ELF2: variants seen among roughly 807,000 people sequenced by gnomAD.
The protein encoded by ELF2 is ETS-related transcription factor Elf-2.
ELF2 carries 11 observed loss-of-function variants against 54.8 expected under a neutral mutation model. The ratio of observed to expected loss-of-function variants is 0.20; its 90% CI spans 0.13 to 0.33. The LOEUF (loss-of-function observed/expected upper bound fraction) is 0.33. ELF2 is among the 10% of genes least tolerant of loss of function. The pLI is 1.00. For missense variants in ELF2, 513 were observed against 703.0 expected (o/e 0.73, Z 3.06); for synonymous variants, 203 against 245.1 (o/e 0.83, Z 1.61).
In ELF2 at chr4:139,139,508, G is replaced by T; in HGVS notation, c.-251-11C>A. 8.2e-7 allele frequency: 1 copy of T among 1,219,170 alleles called. No homozygotes were observed. The allele number at this position is 1,219,170 out of a possible 1,614,324, so 75.5% of individuals were successfully genotyped here. The stretch of plus-strand genomic sequence containing the variant: ...AGTAGTTCTTTGGAACTGCCAGCGG[G>T]AGGGGAAAAAAGATAATATTAATAT... On this transcript the variant is annotated splice_polypyrimidine_tract_variant and intron_variant, in intron 1 of 9. Coordinates refer to ENST00000686138, the MANE Select transcript of ELF2 (RefSeq NM_001331036.3).
intron 4 of ELF2, among the ~76,000 whole-genome samples, chr4:139,118,408 A>G (rs1387608717): frequency 1.3e-5 from 2 of 152,188 alleles, no homozygotes; most frequent in Non-Finnish European, 2.9e-5. Flanking sequence ...ATAGGAGGAA[A>G]CTGTCTTTGA....
chr4:139,151,092 G>GA (rs1161472762), intron 1 of ELF2, among the ~76,000 whole-genome samples: 1 of 140,498 alleles, frequency 7.1e-6, no homozygotes, highest in Non-Finnish European at 1.6e-5. Context: ...AAGAAAGAAA[G>GA]AAAAAGAGAG....
intron 3 of ELF2, among the ~76,000 whole-genome samples, chr4:139,135,687 ATAAACAAAAAAC>A (rs1484127146): frequency 1.3e-5 from 2 of 152,226 alleles, no homozygotes. Context: ...CTTACGTAGC[ATAAACAAAAAAC>A]TCCCCAGAAT....
chr4:139,085,216 C>A (rs1190856588), intron 4 of ELF2, among the ~76,000 whole-genome samples: 2 of 152,110 alleles, frequency 1.3e-5, no homozygotes, highest in Non-Finnish European at 2.9e-5. Context: ...GGAAATCAAA[C>A]CAATATAATG....
intron 1 of ELF2, among the ~76,000 whole-genome samples, chr4:139,176,417 C>A (rs1461967117): frequency 6.6e-6 from 1 of 151,864 alleles, no homozygotes; most frequent in Admixed American, 6.6e-5. Flanking sequence ...GCCTGCCCGC[C>A]ACCCAGAGCG....
At chr4:139,155,712 AG>A (rs1308517299) in intron 1 of ELF2, among the ~76,000 whole-genome samples, 1 of 152,230 alleles carries the variant, frequency 6.6e-6, no homozygotes, top group Non-Finnish European at 1.5e-5. Context: ...AAGGATAGAA[AG>A]TAAACTAATG....
chr4:139,081,185 G>T (rs1408579121), intron 4 of ELF2, among the ~76,000 whole-genome samples: 1 of 152,016 alleles, frequency 6.6e-6, no homozygotes, highest in Non-Finnish European at 1.5e-5. Context: ...TTTAAAGTAC[G>T]TCGAGTCTTT....
At chr4:139,115,467 C>T (rs1735599801) in intron 4 of ELF2, 4 of 928,912 alleles carry the variant, frequency 4.3e-6, no homozygotes, top group Non-Finnish European at 5.1e-6. Flanking sequence ...CTCGCCGCGG[C>T]GAGGGCAGCG....
intron 1 of ELF2, among the ~76,000 whole-genome samples, chr4:139,161,032 A>C (rs1407734574): frequency 2.6e-5 from 4 of 152,222 alleles, no homozygotes; most frequent in Admixed American, 2.6e-4. Flanking sequence ...GTGTGTCTCC[A>C]TGTGTGTATA....
chr4:139,115,773 A>C (rs1735641909), intron 4 of ELF2, among the ~76,000 whole-genome samples: 8 of 152,188 alleles, frequency 5.3e-5, no homozygotes, highest in Admixed American at 5.2e-4. Flanking sequence ...TTAGTGGTAT[A>C]AAAATAATGT....
At chr4:139,068,804 G>A (rs970115188) in intron 6 of ELF2, among the ~76,000 whole-genome samples, 1 of 151,918 alleles carries the variant, frequency 6.6e-6, no homozygotes, top group South Asian at 2.1e-4. Context: ...GCAGACTCAA[G>A]AAATAAATTG....
At chr4:139,133,546 T>A (rs1378616556) in intron 3 of ELF2, among the ~76,000 whole-genome samples, 1 of 152,100 alleles carries the variant, frequency 6.6e-6, no homozygotes, top group Non-Finnish European at 1.5e-5. Context: ...ACTTGGTACA[T>A]CTCTCTATTC....
intron 1 of ELF2, among the ~76,000 whole-genome samples, chr4:139,160,513 G>C (rs1310740145): frequency 6.6e-6 from 1 of 152,096 alleles, no homozygotes; most frequent in Non-Finnish European, 1.5e-5. Flanking sequence ...GAAAGTTATA[G>C]ACAAGGTAAA....
chr4:139,150,881 C>A (rs1277891879), intron 1 of ELF2, among the ~76,000 whole-genome samples: 1 of 151,400 alleles, frequency 6.6e-6, no homozygotes, highest in Non-Finnish European at 1.5e-5. Flanking sequence ...AAAAATTAGC[C>A]GGGCTTGGTG....
At chr4:139,124,436 A>G (rs1488862966) in intron 4 of ELF2, among the ~76,000 whole-genome samples, 2 of 152,226 alleles carry the variant, frequency 1.3e-5, no homozygotes, top group Non-Finnish European at 2.9e-5. Context: ...TCAAAATAGT[A>G]AAGAATTTTT....
intron 3 of ELF2, among the ~76,000 whole-genome samples, chr4:139,134,599 TTTTATTTTATTTTATTTTA>T (rs985939960): frequency 3.5e-5 from 5 of 141,082 alleles, no homozygotes; most frequent in Non-Finnish European, 7.6e-5. Flanking sequence ...TTTTATTTTA[TTTTATTTTATTTTATTTTA>T]TTTATTTTAT....
intron 4 of ELF2, among the ~76,000 whole-genome samples, chr4:139,121,050 C>T (rs987376620): frequency 1.3e-5 from 2 of 149,050 alleles, no homozygotes; most frequent in Non-Finnish European, 3.0e-5. Flanking sequence ...TTGTAAATAA[C>T]GCTCATTTGG....
intron 4 of ELF2, among the ~76,000 whole-genome samples, chr4:139,088,022 C>G (rs1361346730): frequency 1.3e-5 from 2 of 152,066 alleles, no homozygotes; most frequent in Non-Finnish European, 2.9e-5. Flanking sequence ...CACAGTGGCT[C>G]ACGCCTGTAA....
intron 1 of ELF2, among the ~76,000 whole-genome samples, chr4:139,172,419 AATCATCCCTTT>A (rs1374347460): frequency 6.6e-6 from 1 of 152,194 alleles, no homozygotes; most frequent in Non-Finnish European, 1.5e-5. Context: ...CTCGGCCATG[AATCATCCCTTT>A]ATCCACCATA....
Sources: allele counts gnomAD v4.1 joint callset (sites outside exome capture counted in the v4.1 genomes callset), GRCh38; gene constraint gnomAD v4.1.1; transcripts MANE v1.5; gene names NCBI Gene and HGNC (gene_info 2026-07-23, HGNC 2026-07-21).